The following PLCB1 variants were observed in gnomAD, a reference collection of about 807,000 sequenced individuals.
PLCB1 encodes 1-phosphatidylinositol 4,5-bisphosphate phosphodiesterase beta-1.
Under a neutral mutation model 161.8 loss-of-function variants are expected in PLCB1, and 46 were observed. That is an observed-to-expected ratio of 0.28 (90% CI 0.22 to 0.36). The LOEUF is 0.36. Ranked by LOEUF, PLCB1 falls within the 10% of genes least tolerant of loss-of-function variation. The probability of loss-of-function intolerance (pLI) is 1.00; values close to 1 mark genes in which losing one functional copy is unlikely to be tolerated. For missense variants in PLCB1, 1,016 were observed against 1,472.5 expected, an observed-to-expected ratio of 0.69 and a Z score of 5.07; for synonymous variants, 517 against 503.7, an observed-to-expected ratio of 1.03 and a Z score of -0.35.
chr20:8,820,392 A>G (rs1187138026), intron 31 of PLCB1, among the ~76,000 whole-genome samples: 1 of 152,136 alleles, frequency 6.6e-6, no homozygotes, highest in Non-Finnish European at 1.5e-5. Flanking sequence ...GCTCAAGCTC[A>G]TTAGTAATCA....
intron 1 of PLCB1, among the ~76,000 whole-genome samples, chr20:8,134,865 T>A (rs1401801048): frequency 6.6e-6 from 1 of 151,702 alleles, no homozygotes; most frequent in East Asian, 1.9e-4. Flanking sequence ...TTCAGGTCTT[T>A]TTTAAAAAAA....
chr20:8,786,039 C>G (rs1249927378), intron 27 of PLCB1, among the ~76,000 whole-genome samples: 1 of 152,052 alleles, frequency 6.6e-6, no homozygotes, highest in South Asian at 2.1e-4. Context: ...TTCCCAGGCC[C>G]TACCCCTAGA....
intron 9 of PLCB1, among the ~76,000 whole-genome samples, chr20:8,660,877 T>A (rs1230263280): frequency 1.3e-5 from 2 of 152,132 alleles, no homozygotes; most frequent in East Asian, 3.9e-4. Context: ...GAATAATGGT[T>A]CCACTTTTGA....
intron 3 of PLCB1, among the ~76,000 whole-genome samples, chr20:8,415,114 A>G (rs1040791177): frequency 2.0e-5 from 3 of 152,220 alleles, no homozygotes; most frequent in African/African-American, 7.2e-5. Flanking sequence ...CCTTGATGCA[A>G]TAGGGTGAGT....
chr20:8,371,866 T>C (rs1986915027), intron 3 of PLCB1: 1 of 158,278 alleles, frequency 6.3e-6, no homozygotes, highest in Non-Finnish European at 1.4e-5. Context: ...CCATCCACAA[T>C]GCCAAAAGGT....
intron 2 of PLCB1, among the ~76,000 whole-genome samples, chr20:8,211,959 A>G (rs1236519434): frequency 2.0e-5 from 3 of 152,154 alleles, no homozygotes; most frequent in Non-Finnish European, 4.4e-5. Flanking sequence ...AACTGAAAGT[A>G]GCTGAAATAT....
At position 8,760,441 on chromosome 20, in the gene PLCB1, T is replaced by C. The variant is rs1360354865; in HGVS notation, c.2691T>C (p.Leu897=). 6.2e-7 allele frequency: 1 copy of C among 1,611,174 alleles called. No individual in the cohort carries two copies. The highest frequency in any genetic ancestry group is 1.6e-4 in the Middle Eastern group (1 of 6,078). The change falls in exon 25 of 32, where the codon CTT becomes CTC. Residue 897 remains leucine (L), a synonymous_variant. Transcript: ENST00000338037. ...SVKAPAKTED[L]IQSVLTEVEA... ...AGGCACCTGCCAAAACAGAAGATCTTATTCAGAGTGTCTTAACAGGTAAAT... is the reference window on the plus strand; with the variant it reads ...AGGCACCTGCCAAAACAGAAGATCTCATTCAGAGTGTCTTAACAGGTAAAT...
chr20:8,830,287 C>G (rs1985920556), intron 31 of PLCB1, among the ~76,000 whole-genome samples: 1 of 152,166 alleles, frequency 6.6e-6, no homozygotes. Flanking sequence ...CAAGGGAAAC[C>G]ATAATGGGGC....
At chr20:8,581,333 G>A (rs923056788) in intron 3 of PLCB1, among the ~76,000 whole-genome samples, 1 of 152,100 alleles carries the variant, frequency 6.6e-6, no homozygotes, top group African/African-American at 2.4e-5. Flanking sequence ...CCTGTGATTA[G>A]TTCTGTCCAG....
chr20:8,507,402 T>C (rs1983681684), intron 3 of PLCB1, among the ~76,000 whole-genome samples: 1 of 152,198 alleles, frequency 6.6e-6, no homozygotes, highest in Non-Finnish European at 1.5e-5. Flanking sequence ...TATGGTCACG[T>C]TGGTCACCCT....
chr20:8,644,601 G>A (rs895169023), intron 4 of PLCB1, among the ~76,000 whole-genome samples: 2 of 151,462 alleles, frequency 1.3e-5, no homozygotes, highest in Non-Finnish European at 2.9e-5. Flanking sequence ...CCGCCTGGCA[G>A]CTGCCCTGTC....
At chr20:8,302,181 G>C (rs1383679382) in intron 2 of PLCB1, among the ~76,000 whole-genome samples, 1 of 152,118 alleles carries the variant, frequency 6.6e-6, no homozygotes, top group Admixed American at 6.6e-5. Context: ...TTAGTGGAAC[G>C]GTTAGAACCT....
At chr20:8,758,777 A>C (rs903647729) in intron 24 of PLCB1, among the ~76,000 whole-genome samples, 7 of 152,216 alleles carry the variant, frequency 4.6e-5, no homozygotes, top group African/African-American at 1.7e-4. Flanking sequence ...TAGCATTTTC[A>C]CATTTAATTT....
chr20:8,425,927 T>C (rs953207296), intron 3 of PLCB1, among the ~76,000 whole-genome samples: 2 of 152,240 alleles, frequency 1.3e-5, no homozygotes, highest in African/African-American at 4.8e-5. Flanking sequence ...TGTGCTGTTT[T>C]TGAAACTTCC....
At chr20:8,355,794 G>A (rs1161582971) in intron 2 of PLCB1, among the ~76,000 whole-genome samples, 2 of 152,098 alleles carry the variant, frequency 1.3e-5, no homozygotes, top group African/African-American at 4.8e-5. Context: ...AAGTATAATG[G>A]GGGCACTTAA....
Position 8,635,200 on chromosome 20 carries a change from G to A in PLCB1, c.384+6769G>A, listed in dbSNP as rs1444829409. ...CAAAAACAGTAGTTTAGTCTGTTTT[G>A]TGTTCCCAGGATCTAGCTTAGTGCT... On this transcript the variant is annotated intron_variant, in intron 4 of 31. Transcript: ENST00000338037. Among the ~76,000 whole-genome samples, 5 of 152,162 alleles carry A rather than the reference G, an allele frequency of 3.3e-5. No homozygotes were observed. The South Asian group carries it at 8.3e-4, about 25-fold the overall frequency.
intron 2 of PLCB1, among the ~76,000 whole-genome samples, chr20:8,260,645 A>G (rs1189979244): frequency 6.6e-6 from 1 of 152,130 alleles, no homozygotes; most frequent in African/African-American, 2.4e-5. Flanking sequence ...TAGATAAGCT[A>G]GAATCATCTA....
chr20:8,288,716 G>A (rs1189750452), intron 2 of PLCB1, among the ~76,000 whole-genome samples: 1 of 152,130 alleles, frequency 6.6e-6, no homozygotes, highest in Non-Finnish European at 1.5e-5. Flanking sequence ...GCATCTGCAG[G>A]ATGGGTGCAA....
At chr20:8,239,305 C>T (rs147097904) in intron 2 of PLCB1, among the ~76,000 whole-genome samples, 1 of 152,096 alleles carries the variant, frequency 6.6e-6, no homozygotes, top group Non-Finnish European at 1.5e-5. Flanking sequence ...CAAGCCTTCT[C>T]ATGAACTTTC....
Sources: allele counts gnomAD v4.1 joint callset (sites outside exome capture counted in the v4.1 genomes callset), GRCh38; gene constraint gnomAD v4.1.1; transcripts MANE v1.5; gene names NCBI Gene and HGNC (gene_info 2026-07-23, HGNC 2026-07-21).